The following PRELID2 variants were observed in gnomAD, a reference collection of about 807,000 sequenced individuals.
The protein encoded by PRELID2 is PRELI domain-containing protein 2.
Under a neutral mutation model 28.4 loss-of-function variants are expected in PRELID2, and 25 were observed. The observed-to-expected ratio is 0.88, with a 90% CI of 0.64 to 1.23. The LOEUF (loss-of-function observed/expected upper bound fraction) is 1.23, where lower values mean the gene tolerates loss of function less well. Ranked by LOEUF, PRELID2 falls within the 50% of genes most tolerant of loss-of-function variation. The pLI is 0.00. For missense variants in PRELID2, 201 were observed against 214.4 expected, an observed-to-expected ratio of 0.94 and a Z score of 0.39; for synonymous variants, 76 against 71.6, an observed-to-expected ratio of 1.06 and a Z score of -0.31.
chr5:145,691,611 G>A (rs1032478327), intron 1 of PRELID2, among the ~76,000 whole-genome samples: 5 of 152,048 alleles, frequency 3.3e-5, no homozygotes, highest in African/African-American at 7.2e-5. Flanking sequence ...CCAGCTACTC[G>A]GGAGGCTGAG....
chr5:145,334,142 T>C, the PRELID2 span, among the ~76,000 whole-genome samples: 1 of 152,142 alleles, frequency 6.6e-6, no homozygotes, highest in Non-Finnish European at 1.5e-5. Flanking sequence ...GCTGCGTACC[T>C]CAGCTGGAAA....
the PRELID2 span, among the ~76,000 whole-genome samples, chr5:145,363,845 A>G: frequency 1.3e-5 from 2 of 152,002 alleles, no homozygotes; most frequent in Non-Finnish European, 1.5e-5. Context: ...ATATTTCACT[A>G]CCAGTGAACA....
intron 1 of PRELID2, among the ~76,000 whole-genome samples, chr5:145,640,600 C>T (rs570471861): frequency 4.8e-4 from 72 of 148,858 alleles, no homozygotes; most frequent in African/African-American, 1.7e-3. Context: ...TCCGAGATCG[C>T]GCCACTGCAC....
At chr5:145,418,639 G>A in the PRELID2 span, among the ~76,000 whole-genome samples, 2 of 152,150 alleles carry the variant, frequency 1.3e-5, no homozygotes, top group African/African-American at 4.8e-5. Flanking sequence ...AACCAATGGG[G>A]AAAGAATTCC....
At chr5:145,606,545 CTGTT>C in intron 1 of PRELID2, among the ~76,000 whole-genome samples, 1 of 152,090 alleles carries the variant, frequency 6.6e-6, no homozygotes, top group Admixed American at 6.6e-5. Flanking sequence ...GATTTTAGTT[CTGTT>C]TATGTGATTA....
the PRELID2 span, among the ~76,000 whole-genome samples, chr5:145,410,889 T>C: frequency 6.6e-6 from 1 of 152,062 alleles, no homozygotes; most frequent in Non-Finnish European, 1.5e-5. Context: ...ATCCAAAGTC[T>C]CATCTGAGTC....
chr5:145,469,617 C>T (rs1752033487), downstream of PRELID2, among the ~76,000 whole-genome samples: 1 of 151,984 alleles, frequency 6.6e-6, no homozygotes, highest in African/African-American at 2.4e-5. Context: ...GCAGCGACAC[C>T]GAACTGATAG....
At chr5:145,241,755 T>C in the PRELID2 span, among the ~76,000 whole-genome samples, 1 of 151,982 alleles carries the variant, frequency 6.6e-6, no homozygotes, top group African/African-American at 2.4e-5. Context: ...TTAATTTCAA[T>C]ACAGCTAAAT....
chr5:145,451,476 T>C, the PRELID2 span, among the ~76,000 whole-genome samples: 126 of 152,206 alleles, frequency 8.3e-4, 1 homozygote, highest in African/African-American at 3.0e-3. Flanking sequence ...GCTTCATGTA[T>C]TCCTGTGTGT....
intron 1 of PRELID2, among the ~76,000 whole-genome samples, chr5:145,478,289 T>G (rs1296145433): frequency 1.3e-5 from 2 of 152,168 alleles, no homozygotes; most frequent in Non-Finnish European, 2.9e-5. Context: ...GGCTCACACC[T>G]GTAATCCCAG....
chr5:145,414,832 G>C, the PRELID2 span, among the ~76,000 whole-genome samples: 66 of 152,284 alleles, frequency 4.3e-4, no homozygotes, highest in Non-Finnish European at 8.4e-4. Context: ...CAATGGCATA[G>C]GCAGAATGAT....
intron 1 of PRELID2, among the ~76,000 whole-genome samples, chr5:145,518,828 A>G (rs1379683347): frequency 6.6e-6 from 1 of 152,224 alleles, no homozygotes; most frequent in South Asian, 2.1e-4. Flanking sequence ...ATGCTGCTAA[A>G]CATTTTAAAG....
the PRELID2 span, among the ~76,000 whole-genome samples, chr5:145,293,448 T>C: frequency 6.6e-6 from 1 of 152,200 alleles, no homozygotes; most frequent in Non-Finnish European, 1.5e-5. Context: ...CTACATATGC[T>C]GTTCCTTTTT....
chr5:145,293,736 A>T, the PRELID2 span, among the ~76,000 whole-genome samples: 1 of 152,206 alleles, frequency 6.6e-6, no homozygotes, highest in Admixed American at 6.6e-5. Context: ...TAGAGGGCTG[A>T]GATTAACATC....
chr5:145,703,760 G>A (rs1456245996), intron 1 of PRELID2: 1 of 152,180 alleles, frequency 6.6e-6, no homozygotes, highest in Non-Finnish European at 1.5e-5. Flanking sequence ...ATGGGTACTG[G>A]AGCATCACAC....
the PRELID2 span, among the ~76,000 whole-genome samples, chr5:145,456,638 C>T: frequency 6.6e-6 from 1 of 152,210 alleles, no homozygotes; most frequent in African/African-American, 2.4e-5. Flanking sequence ...ATATGTCTAC[C>T]ACCACCACCT....
At chr5:145,587,019 AAGG>A (rs1357078665) in intron 1 of PRELID2, among the ~76,000 whole-genome samples, 1 of 152,126 alleles carries the variant, frequency 6.6e-6, no homozygotes, top group African/African-American at 2.4e-5. Context: ...GGTTATTGTA[AAGG>A]CCAAATATGC....
At chr5:145,515,261 TA>T (rs1752505468) in intron 1 of PRELID2, among the ~76,000 whole-genome samples, 1 of 151,940 alleles carries the variant, frequency 6.6e-6, no homozygotes, top group Admixed American at 6.6e-5. Flanking sequence ...GCTAGACTAA[TA>T]AAGAATAAAA....
chr5:145,291,828 A>G, the PRELID2 span, among the ~76,000 whole-genome samples: 1 of 152,168 alleles, frequency 6.6e-6, no homozygotes, highest in Non-Finnish European at 1.5e-5. Flanking sequence ...TGTCTTGGAA[A>G]AATGTTTTGC....
Sources: allele counts gnomAD v4.1 joint callset (sites outside exome capture counted in the v4.1 genomes callset), GRCh38; gene constraint gnomAD v4.1.1; transcripts MANE v1.5; gene names NCBI Gene and HGNC (gene_info 2026-07-23, HGNC 2026-07-21).